The following NLRP11 variants were observed in gnomAD, a reference collection of about 807,000 sequenced individuals.
NLRP11 encodes the protein NACHT, LRR and PYD domains-containing protein 11.
Under a neutral mutation model 79.3 loss-of-function variants are expected in NLRP11, and 53 were observed. The observed-to-expected ratio is 0.67, with a 90% confidence interval of 0.54 to 0.84. The LOEUF is 0.84. Among genes scored for constraint, NLRP11 ranks in the 40% least tolerant of loss-of-function variants. NLRP11 has a pLI of 0.00. For missense variants in NLRP11, 1,264 were observed against 1,255.0 expected, an observed-to-expected ratio of 1.01 and a Z score of -0.11; for synonymous variants, 518 against 462.6, an observed-to-expected ratio of 1.12 and a Z score of -1.54.
exon 5 of NLRP11, chr19:55,801,666 A>T (rs1979494859): frequency 6.2e-7 from 1 of 1,614,010 alleles, no homozygotes; most frequent in Non-Finnish European, 8.5e-7. Context: ...ATACTCAGGT[A>T]TGTCAGGCTC....
intron 5 of NLRP11, 41 bp downstream of exon 5, chr19:55,801,531 C>T: frequency 1.6e-5 from 25 of 1,567,370 alleles, no homozygotes; most frequent in Non-Finnish European, 2.2e-5. Context: ...CCCAGGCATT[C>T]CCCTCACATG....
chr19:55,834,737 A>G (rs1208509564), upstream of NLRP11, among the ~76,000 whole-genome samples: 2 of 152,234 alleles, frequency 1.3e-5, no homozygotes, highest in African/African-American at 2.4e-5. Flanking sequence ...GGATCATTAA[A>G]TGGTGACCTA....
chr19:55,833,949 G>GAAAA (rs201764872), upstream of NLRP11, among the ~76,000 whole-genome samples: 1 of 137,288 alleles, frequency 7.3e-6, no homozygotes. Context: ...GTATTTAAAT[G>GAAAA]AAAAAAAAAA....
intron 2 of NLRP11, among the ~76,000 whole-genome samples, chr19:55,812,205 T>C (rs35064274): frequency 0.22 from 32,861 of 152,122 alleles, 4,556 homozygotes; most frequent in African/African-American, 0.39. Context: ...TTTCATATTA[T>C]GCATATATCC....
chr19:55,824,138 C>T (rs1982080256), intron 1 of NLRP11, among the ~76,000 whole-genome samples: 1 of 123,872 alleles, frequency 8.1e-6, no homozygotes, highest in Admixed American at 8.0e-5. Context: ...AATTTTCAAC[C>T]CAGAATTTCA....
chr19:55,799,015 A>G (rs981755449), intron 5 of NLRP11, among the ~76,000 whole-genome samples: 1 of 152,190 alleles, frequency 6.6e-6, no homozygotes, highest in Non-Finnish European at 1.5e-5. Context: ...GCCTATTTAA[A>G]TATCAAAGTA....
chr19:55,810,454 A>G, intron 2 of NLRP11, 116 bp from the exon 3 acceptor site: 2 of 836,012 alleles, frequency 2.4e-6, no homozygotes, highest in Non-Finnish European at 3.8e-6. Flanking sequence ...ATTTTTACTT[A>G]CTACTGCTTA....
exon 6 of NLRP11, chr19:55,796,204 A>G: frequency 6.2e-7 from 1 of 1,613,958 alleles, no homozygotes. Context: ...ATGAGGAGAG[A>G]GGCGATTTCT....
rs1990060869 is a variant in NLRP11, at chr19:55,788,832, G to A, written c.2830C>T (p.Pro944Ser). Residue 944 changes from proline (P) to serine (S), a missense_variant, in exon 9 of 10, where the codon CCA becomes TCA. Physicochemically the swap from Pro to Ser is moderately conservative, Grantham distance 74. Transcript: ENST00000589093. The stretch of plus-strand genomic sequence containing the variant: ...CCAACTACCTTAAGTACACAATCTG[G>A]GCTGATCAAGCTCTCAAGAAGTTTT... 2 of 1,612,612 alleles carry A rather than the reference G, an allele frequency of 1.2e-6. No homozygotes were observed. Among genetic ancestry groups the A allele is most frequent in the Non-Finnish European group, 1.7e-6 (2 of 1,179,532 alleles).
rs1367775647 is a variant in NLRP11, at chr19:55,809,758, A to G, written c.852T>C (p.Asn284=). Residue 284 remains asparagine, a synonymous_variant, in exon 3 of 10, where the codon AAT becomes AAC. Transcript: ENST00000589093. The surrounding 1 kb of genome is among the most constrained non-coding windows in gnomAD (Gnocchi z 4.5). Reference sequence around the variant, plus strand: ...CTACCTCTTTCAAGAACGTTTTTACATTATTCCCACGTGTGGGCCTTGAGG... The same window carrying G: ...CTACCTCTTTCAAGAACGTTTTTACGTTATTCCCACGTGTGGGCCTTGAGG... The G allele has an allele frequency of 1.9e-6, 3 of 1,614,076 alleles. No homozygotes were observed. The highest frequency in any genetic ancestry group is 1.1e-5 in the South Asian group (1 of 91,086).
rs1272202551 is a variant in NLRP11, at chr19:55,809,030, C to T, written c.1580G>A (p.Gly527Glu). ...GTCACGGTCCAAATGTTTCATGTAT[C>T]CCACCGAGTACCACTTGAAGCTGTC... Residue 527 changes from glycine to glutamate, a missense_variant, in exon 3 of 10, where the codon GGA (glycine) becomes GAA (glutamate). Physicochemically the swap from Gly to Glu is moderately conservative, Grantham distance 98. Transcript: ENST00000589093. The surrounding 1 kb of genome is among the most constrained non-coding windows in gnomAD (Gnocchi z 4.5). 1 of 1,614,028 alleles carries T rather than the reference C, an allele frequency of 6.2e-7. No individual in the cohort carries two copies. The highest frequency in any genetic ancestry group is 2.2e-5 in the East Asian group (1 of 44,870).
intron 5 of NLRP11, among the ~76,000 whole-genome samples, chr19:55,799,742 C>A (rs1338214230): frequency 1.3e-5 from 2 of 151,904 alleles, no homozygotes; most frequent in Non-Finnish European, 2.9e-5. Context: ...GCTTCCAGCA[C>A]TTTGGGAGGC....
rs186421464 is a variant in NLRP11 at position 55,805,124 on chromosome 19, C to T, written c.2003+2729G>A. 4.3e-3 allele frequency among the ~76,000 whole-genome samples: 657 copies of T among 152,092 alleles called. 8 individuals carry two copies. The highest frequency in any genetic ancestry group is 5.3e-3 in the Non-Finnish European group (363 of 67,976). On this transcript the variant is annotated intron_variant, in intron 4 of 9. Coordinates refer to ENST00000589093, the Ensembl canonical transcript of NLRP11. ...AAAAAGAAGTTGTCCTAGAGTCCCA[C>T]CACCACCACCGGCCCTCACCCCCAA...
chr19:55,785,492 GTCACACACACAC>G lies in NLRP11; in HGVS notation c.*121_*132del, dbSNP rs1292922774. The G allele has an allele frequency of 5.7e-4, 375 of 652,710 alleles. 1 individual carries two copies. The highest frequency in any genetic ancestry group is 4.9e-3 in the Middle Eastern group (11 of 2,256). 40.4% of individuals were successfully genotyped at this position (652,710 alleles called of 1,614,324 possible). A position where few individuals can be genotyped will look rare whatever the true frequency, so the allele number is the denominator to read the frequency against. ...ATTTGAAGTGGTTGACTGGATCAAG[GTCACACACACAC>G]ACACACACACACACACACACACACA... On this transcript the variant is annotated 3_prime_UTR_variant, in exon 10 of 10. Transcript: ENST00000589093.
chr19:55,807,395 G>A (rs1980100076), intron 4 of NLRP11, among the ~76,000 whole-genome samples: 2 of 152,056 alleles, frequency 1.3e-5, no homozygotes, highest in African/African-American at 4.8e-5. Context: ...CTCCTACCCT[G>A]ACCCATTTTT....
At chr19:55,816,081 T>C (rs1396050311) in intron 2 of NLRP11, among the ~76,000 whole-genome samples, 1 of 152,160 alleles carries the variant, frequency 6.6e-6, no homozygotes, top group Non-Finnish European at 1.5e-5. Flanking sequence ...CAAGTAAATA[T>C]TGTATAAAAG....
chr19:55,801,247 A>G, intron 5 of NLRP11: 1 of 208,938 alleles, frequency 4.8e-6, no homozygotes, highest in Non-Finnish European at 9.5e-6. Flanking sequence ...GGAAAATTTC[A>G]GTTTGTGGCT....
Position 55,809,949 on chromosome 19 carries a change from G to A in NLRP11, c.661C>T (p.Pro221Ser), listed in dbSNP as rs1008735030. Residue 221 changes from proline to serine, a missense_variant, in exon 3 of 10, where the codon CCC becomes TCC. Physicochemically the swap from Pro to Ser is moderately conservative, Grantham distance 74. Transcript: ENST00000589093. The surrounding 1 kb of genome is among the most constrained non-coding windows in gnomAD (Gnocchi z 4.5). ...TCGAGGATGAAAAGGAGTTTCTTGG[G>A]ATCAGACAGGATGTCTGCAATGGGA... The A allele has an allele frequency of 1.3e-5, 21 of 1,613,958 alleles. No homozygotes were observed. The highest frequency in any genetic ancestry group is 2.7e-5 in the African/African-American group (2 of 74,916).
chr19:55,794,498 CA>C (rs1568628763), intron 6 of NLRP11, among the ~76,000 whole-genome samples: 1 of 152,188 alleles, frequency 6.6e-6, no homozygotes, highest in African/African-American at 2.4e-5. Flanking sequence ...CAGTGGCTCA[CA>C]TCTGTAATCC....
Sources: allele counts gnomAD v4.1 joint callset (sites outside exome capture counted in the v4.1 genomes callset), GRCh38; gene constraint gnomAD v4.1.1; non-coding constraint Gnocchi (gnomAD v3.1); transcripts MANE v1.5; gene names NCBI Gene and HGNC (gene_info 2026-07-23, HGNC 2026-07-21).